EEIG2: variants seen among roughly 807,000 people sequenced by gnomAD.
EEIG2 encodes EEIG family member 2.
At chr1:108,637,429 CTT>C in the EEIG2 span, 1 of 151,902 alleles carries the variant, frequency 6.6e-6, no homozygotes, top group Non-Finnish European at 1.5e-5. Flanking sequence ...GTCTGCCTTA[CTT>C]TCTGATTGTC....
At chr1:108,615,831 AC>A in the EEIG2 span, among the ~76,000 whole-genome samples, 1 of 152,122 alleles carries the variant, frequency 6.6e-6, no homozygotes, top group Non-Finnish European at 1.5e-5. Context: ...TAAAGCTGGA[AC>A]AAAGGTCAGA....
the EEIG2 span, chr1:108,635,240 T>C: frequency 2.6e-6 from 4 of 1,528,386 alleles, no homozygotes; most frequent in Non-Finnish European, 2.7e-6. Context: ...TAATAGAAAA[T>C]GAACCTCAAC....
the EEIG2 span, among the ~76,000 whole-genome samples, chr1:108,623,169 C>T: frequency 0.96 from 145,318 of 152,098 alleles, 69,741 homozygotes; most frequent in Non-Finnish European, 1. Flanking sequence ...TAATTTGTTG[C>T]ACGTTTTAAA....
the EEIG2 span, among the ~76,000 whole-genome samples, chr1:108,589,723 T>C: frequency 2.0e-5 from 3 of 151,378 alleles, no homozygotes; most frequent in African/African-American, 7.3e-5. Flanking sequence ...CCACTCTCCC[T>C]GAATGGCCTT....
chr1:108,620,962 A>G, the EEIG2 span, among the ~76,000 whole-genome samples: 1 of 152,154 alleles, frequency 6.6e-6, no homozygotes, highest in Non-Finnish European at 1.5e-5. Flanking sequence ...ATCTTTACTG[A>G]GAAGGGGACA....
chr1:108,571,485 T>G, the EEIG2 span, among the ~76,000 whole-genome samples: 1 of 152,092 alleles, frequency 6.6e-6, no homozygotes, highest in African/African-American at 2.4e-5. Flanking sequence ...AGCAACAGAA[T>G]GAGTTGAAGT....
the EEIG2 span, among the ~76,000 whole-genome samples, chr1:108,561,580 CT>C: frequency 0.024 from 3,697 of 152,230 alleles, 142 homozygotes; most frequent in African/African-American, 0.084. Context: ...GGGCTAGAAA[CT>C]TGTCTTTGGG....
chr1:108,585,654 AAGTAGAGCTATATTAAT>A, the EEIG2 span, among the ~76,000 whole-genome samples: 1 of 152,070 alleles, frequency 6.6e-6, no homozygotes, highest in African/African-American at 2.4e-5. Context: ...CCTTCCTTCA[AAGTAGAGCTATATTAAT>A]AGTAGGCTGT....
At chr1:108,569,071 A>G in the EEIG2 span, among the ~76,000 whole-genome samples, 1 of 152,242 alleles carries the variant, frequency 6.6e-6, no homozygotes, top group Non-Finnish European at 1.5e-5. Flanking sequence ...CTAATGAAAG[A>G]TATTTGAAAA....
chr1:108,607,742 C>T, the EEIG2 span, among the ~76,000 whole-genome samples: 1 of 152,148 alleles, frequency 6.6e-6, no homozygotes, highest in East Asian at 1.9e-4. Flanking sequence ...ACAACAAGGT[C>T]TGCTGTAGTT....
chr1:108,612,242 T>A, the EEIG2 span: 1 of 1,613,752 alleles, frequency 6.2e-7, no homozygotes, highest in Non-Finnish European at 8.5e-7. Context: ...CGCCGCTGTT[T>A]ACTGGAAGGC....
the EEIG2 span, among the ~76,000 whole-genome samples, chr1:108,616,220 C>G: frequency 2.0e-5 from 3 of 151,398 alleles, no homozygotes; most frequent in East Asian, 5.8e-4. Flanking sequence ...ACCTCAAACT[C>G]CTGGGCTCAA....
the EEIG2 span, among the ~76,000 whole-genome samples, chr1:108,631,972 G>A: frequency 0.087 from 13,211 of 151,848 alleles, 665 homozygotes; most frequent in Middle Eastern, 0.2. Context: ...AAATTAGCCG[G>A]GTGTGGTGGC....
At chr1:108,597,925 CCTGA>C in the EEIG2 span, among the ~76,000 whole-genome samples, 5 of 152,090 alleles carry the variant, frequency 3.3e-5, no homozygotes, top group Non-Finnish European at 5.9e-5. Context: ...CTCAGTGGAC[CCTGA>C]AGGGTCCAGG....
chr1:108,578,662 G>C, the EEIG2 span, among the ~76,000 whole-genome samples: 1 of 151,922 alleles, frequency 6.6e-6, no homozygotes, highest in Non-Finnish European at 1.5e-5. Context: ...TTGAAATGAA[G>C]GAAAAAATGT....
At chr1:108,563,525 T>C in the EEIG2 span, among the ~76,000 whole-genome samples, 1 of 152,162 alleles carries the variant, frequency 6.6e-6, no homozygotes, top group African/African-American at 2.4e-5. Flanking sequence ...ATACTCATCT[T>C]GCTACAGAAA....
the EEIG2 span, among the ~76,000 whole-genome samples, chr1:108,588,458 A>G: frequency 6.6e-6 from 1 of 152,164 alleles, no homozygotes; most frequent in East Asian, 1.9e-4. Context: ...ATGATTAATG[A>G]TGTTGAGCAT....
At chr1:108,573,753 A>G in the EEIG2 span, among the ~76,000 whole-genome samples, 1 of 152,222 alleles carries the variant, frequency 6.6e-6, no homozygotes, top group Admixed American at 6.5e-5. Flanking sequence ...AGTTATACAA[A>G]TGGCCAGAAG....
At chr1:108,591,108 A>G in the EEIG2 span, among the ~76,000 whole-genome samples, 1 of 152,246 alleles carries the variant, frequency 6.6e-6, no homozygotes, top group Non-Finnish European at 1.5e-5. Context: ...AAGCAACTGT[A>G]TAAAAGTCAT....
Sources: gnomAD v4.1 joint callset for allele counts (sites outside exome capture counted in the v4.1 genomes callset) on GRCh38, gnomAD v4.1.1 for gene constraint, MANE v1.5 for transcripts, NCBI Gene and HGNC (gene_info 2026-07-23, HGNC 2026-07-21) for gene names.